MYRFL: variants seen among roughly 807,000 people sequenced by gnomAD.
MYRFL encodes the protein myelin regulatory factor like.
Under a neutral mutation model 109.4 loss-of-function variants are expected in MYRFL, and 88 were observed. The ratio of observed to expected loss-of-function variants is 0.80; its 90% CI spans 0.68 to 0.96. The LOEUF (loss-of-function observed/expected upper bound fraction) is 0.96, where lower values mean the gene tolerates loss of function less well. Ranked by LOEUF, MYRFL falls within the 40% of genes least tolerant of loss-of-function variation. The pLI is 0.00. For synonymous variants in MYRFL, 324 were observed against 320.9 expected (o/e 1.01, Z -0.10); for missense variants, 957 against 954.9 (o/e 1.00, Z -0.03).
At chr12:69,942,650 A>G (rs1337235291) in intron 19 of MYRFL, among the ~76,000 whole-genome samples, 13 of 151,470 alleles carry the variant, frequency 8.6e-5, no homozygotes, top group Non-Finnish European at 1.9e-4. Context: ...CTCTCTCACC[A>G]GTCCTATTCA....
At chr12:69,882,965 A>G (rs2136334355) in intron 5 of MYRFL, among the ~76,000 whole-genome samples, 1 of 152,362 alleles carries the variant, frequency 6.6e-6, no homozygotes, top group South Asian at 2.1e-4. Context: ...AAACGAGAAT[A>G]ATAATTTTGA....
chr12:69,888,206 T>C (rs1239829743), intron 6 of MYRFL, among the ~76,000 whole-genome samples: 1 of 152,176 alleles, frequency 6.6e-6, no homozygotes, highest in Non-Finnish European at 1.5e-5. Context: ...AGAACACAGA[T>C]GGTATCAACT....
intron 19 of MYRFL, among the ~76,000 whole-genome samples, chr12:69,937,380 TA>T (rs1432285505): frequency 6.6e-6 from 1 of 152,200 alleles, no homozygotes; most frequent in African/African-American, 2.4e-5. Flanking sequence ...GATACTGTCA[TA>T]ACAACAACTC....
At chr12:69,906,498 GAAT>G (rs1478943297) in intron 11 of MYRFL, among the ~76,000 whole-genome samples, 8 of 152,226 alleles carry the variant, frequency 5.3e-5, no homozygotes, top group Middle Eastern at 3.4e-3. Context: ...GTTGAGAGTT[GAAT>G]ACATCAGTCA....
Position 69,860,683 on chromosome 12 carries a change from T to A in MYRFL, c.137+5313T>A, listed in dbSNP as rs557673443. On this transcript the variant is annotated intron_variant, in intron 2 of 24. Transcript: ENST00000552032. Reference sequence around the variant, plus strand: ...TAAATTGTTTGAAGATTTTTAGTATTCCATCTTAATATATTGATTGCCTTT... The same window carrying A: ...TAAATTGTTTGAAGATTTTTAGTATACCATCTTAATATATTGATTGCCTTT... Among the ~76,000 whole-genome samples, 6 of 152,252 alleles carry A rather than the reference T, an allele frequency of 3.9e-5. No individual in the cohort carries two copies. The East Asian group carries it at 1.2e-3, about 29-fold the overall frequency.
chr12:69,869,039 ATTC>A (rs745882916), intron 2 of MYRFL, among the ~76,000 whole-genome samples: 1 of 152,242 alleles, frequency 6.6e-6, no homozygotes, highest in African/African-American at 2.4e-5. Context: ...AGGAAGACAT[ATTC>A]TTAATGTGAA....
chr12:69,856,518 C>T (rs540034946), intron 2 of MYRFL, among the ~76,000 whole-genome samples: 118 of 152,116 alleles, frequency 7.8e-4, no homozygotes, highest in Non-Finnish European at 1.2e-3. Context: ...GTTAGCAATG[C>T]ATGAGATATC....
chr12:69,845,979 T>C (rs1034876901), intron 1 of MYRFL, among the ~76,000 whole-genome samples: 4 of 152,112 alleles, frequency 2.6e-5, no homozygotes, highest in African/African-American at 9.7e-5. Context: ...TGCATTTGTT[T>C]ATCCGTGGCA....
chr12:69,936,729 T>G, intron 19 of MYRFL, 97 bp downstream of exon 19: 1 of 1,144,962 alleles, frequency 8.7e-7, no homozygotes. Context: ...TTCCAGATAA[T>G]GGTTCCATGC....
intron 14 of MYRFL, among the ~76,000 whole-genome samples, chr12:69,927,103 C>T (rs1011904999): frequency 6.6e-6 from 1 of 151,770 alleles, no homozygotes; most frequent in African/African-American, 2.4e-5. Flanking sequence ...CGCCACCATG[C>T]CCGGCTAATT....
At chr12:69,936,998 A>T in intron 19 of MYRFL, among the ~76,000 whole-genome samples, 1 of 152,164 alleles carries the variant, frequency 6.6e-6, no homozygotes, top group East Asian at 1.9e-4. Flanking sequence ...CTCTGCCTAA[A>T]CTGACTAGGG....
At position 69,843,942 on chromosome 12, in the gene MYRFL, T is replaced by C. The variant is rs866730682; in HGVS notation, c.47-11338T>C. Among the ~76,000 whole-genome samples, 4 of 152,314 alleles carry C rather than the reference T, an allele frequency of 2.6e-5. No homozygotes were observed. In the Middle Eastern group the frequency reaches 0.01, roughly 389 times the overall value. ...AACCTGATTTCAAACTGAGCCTCCC[T>C]GATGGGGGATAGGATGCTTAAGGGT... On this transcript the variant is annotated intron_variant, in intron 1 of 24. Transcript: ENST00000552032.
At chr12:69,918,623 G>A (rs1954818991) in intron 13 of MYRFL, among the ~76,000 whole-genome samples, 1 of 152,180 alleles carries the variant, frequency 6.6e-6, no homozygotes, top group Non-Finnish European at 1.5e-5. Context: ...CTCAACACCT[G>A]ACATTATCAG....
At chr12:69,929,509 A>G (rs1955207951) in intron 15 of MYRFL, among the ~76,000 whole-genome samples, 1 of 152,246 alleles carries the variant, frequency 6.6e-6, no homozygotes, top group Non-Finnish European at 1.5e-5. Context: ...ATGGAATGGC[A>G]TAAATGAAAG....
intron 10 of MYRFL, among the ~76,000 whole-genome samples, chr12:69,900,050 C>G (rs1443434685): frequency 6.6e-6 from 1 of 152,096 alleles, no homozygotes; most frequent in Admixed American, 6.6e-5. Flanking sequence ...GGGATGATTA[C>G]TTTTGTCTGC....
At chr12:69,827,906 A>G (rs568399923) in intron 1 of MYRFL, among the ~76,000 whole-genome samples, 49 of 152,114 alleles carry the variant, frequency 3.2e-4, no homozygotes, top group Non-Finnish European at 6.3e-4. Flanking sequence ...AAAAAACCAT[A>G]TGAATATACT....
chr12:69,845,792 G>GAAAA, intron 1 of MYRFL, among the ~76,000 whole-genome samples: 1 of 120,526 alleles, frequency 8.3e-6, no homozygotes, highest in African/African-American at 3.1e-5. Flanking sequence ...TGGGAAAAGC[G>GAAAA]AAAAAAAAAA....
At chr12:69,903,526 A>G (rs772820682) in intron 10 of MYRFL, 118 bp from the exon 11 acceptor site, 70 of 1,138,642 alleles carry the variant, frequency 6.1e-5, no homozygotes, top group Non-Finnish European at 8.2e-5. Flanking sequence ...CACTCAATAC[A>G]GGATTCTCTT....
At chr12:69,895,057 C>T (rs1009391982) in intron 8 of MYRFL, among the ~76,000 whole-genome samples, 5 of 152,146 alleles carry the variant, frequency 3.3e-5, no homozygotes, top group Admixed American at 3.3e-4. Flanking sequence ...GTTTTCTTTC[C>T]CCATTGTGGA....
Sources: gnomAD v4.1 joint callset for allele counts (sites outside exome capture counted in the v4.1 genomes callset) on GRCh38, gnomAD v4.1.1 for gene constraint, MANE v1.5 for transcripts, NCBI Gene and HGNC (gene_info 2026-07-23, HGNC 2026-07-21) for gene names.